Variants in AMMECR1 observed in about 807,000 individuals in gnomAD.
The protein encoded by AMMECR1 is AMMECR nuclear protein 1, also known as nuclear protein AMMECR1.
In AMMECR1, 3 loss-of-function variants were observed where a neutral mutation model predicts 22.5. The observed-to-expected ratio is 0.13, with a 90% CI of 0.06 to 0.35. The LOEUF (loss-of-function observed/expected upper bound fraction) is 0.35, where lower values mean the gene tolerates loss of function less well. Among genes scored for constraint, AMMECR1 ranks in the 10% least tolerant of loss-of-function variants. The pLI is 1.00. For missense variants in AMMECR1, 235 were observed against 278.7 expected, an observed-to-expected ratio of 0.84 and a Z score of 1.12; for synonymous variants, 130 against 116.7, an observed-to-expected ratio of 1.11 and a Z score of -0.74.
chrX:110,226,449 C>CA (rs1407613163), intron 2 of AMMECR1, among the ~76,000 whole-genome samples: 1 of 110,466 alleles, frequency 9.1e-6, no homozygotes, highest in African/African-American at 3.3e-5. Flanking sequence ...ACTAAAAATA[C>CA]AAAAAAAATT....
intron 2 of AMMECR1, among the ~76,000 whole-genome samples, chrX:110,413,152 T>C (rs998507917): frequency 1.8e-5 from 2 of 110,306 alleles, no homozygotes; most frequent in South Asian, 3.9e-4. Context: ...ACCTCCCCAC[T>C]ACCGCCCTCT....
At chrX:110,286,552 G>A (rs981884005) in intron 1 of AMMECR1, among the ~76,000 whole-genome samples, 1 of 107,573 alleles carries the variant, frequency 9.3e-6, no homozygotes, top group Non-Finnish European at 1.9e-5. Context: ...TGCGCCTGTA[G>A]TCCTAGGTAC....
intron 2 of AMMECR1, among the ~76,000 whole-genome samples, chrX:110,424,174 T>C (rs182691649): frequency 2.8e-4 from 31 of 111,848 alleles, no homozygotes; most frequent in African/African-American, 9.1e-4. Context: ...AGAGCTAGGA[T>C]TCAAACCCAG....
chrX:110,274,017 GA>G (rs765490267), intron 1 of AMMECR1, among the ~76,000 whole-genome samples: 563 of 111,647 alleles, frequency 5.0e-3, no homozygotes, highest in Middle Eastern at 0.032. Context: ...CTAATTCCAT[GA>G]AAAATGACAT....
intron 1 of AMMECR1, among the ~76,000 whole-genome samples, chrX:110,427,938 A>T (rs1409850211): frequency 9.0e-6 from 1 of 111,362 alleles, no homozygotes; most frequent in Admixed American, 9.5e-5. Flanking sequence ...TACAACACAT[A>T]GCTCAGAAGA....
chrX:110,414,282 A>G (rs1252081950), intron 2 of AMMECR1, among the ~76,000 whole-genome samples: 2 of 112,344 alleles, frequency 1.8e-5, no homozygotes, highest in Non-Finnish European at 3.8e-5. Context: ...CTTCTAAGTA[A>G]CTGTCCTGAC....
chrX:110,368,116 C>T (rs981342844), intron 2 of AMMECR1, among the ~76,000 whole-genome samples: 2 of 108,803 alleles, frequency 1.8e-5, no homozygotes, highest in African/African-American at 6.7e-5. Flanking sequence ...GTTGGGATTA[C>T]AGGTGTGAGC....
At chrX:110,230,673 G>T (rs946800514) in intron 2 of AMMECR1, among the ~76,000 whole-genome samples, 7 of 112,215 alleles carry the variant, frequency 6.2e-5, no homozygotes, top group African/African-American at 2.3e-4. Context: ...GTGGGACGGA[G>T]AATGACTTTG....
intron 2 of AMMECR1, among the ~76,000 whole-genome samples, chrX:110,418,704 C>A (rs1488132296): frequency 2.7e-5 from 3 of 111,522 alleles, no homozygotes; most frequent in Admixed American, 9.5e-5. Flanking sequence ...TCAGAGACAG[C>A]GCATGGGAGC....
intron 3 of AMMECR1, among the ~76,000 whole-genome samples, chrX:110,204,474 A>C (rs1229941482): frequency 9.0e-6 from 1 of 111,172 alleles, no homozygotes; most frequent in East Asian, 2.8e-4. Context: ...AAAGTTTATC[A>C]GAATTTCAAC....
At chrX:110,271,642 C>T (rs761770252) in intron 1 of AMMECR1, among the ~76,000 whole-genome samples, 4 of 111,393 alleles carry the variant, frequency 3.6e-5, no homozygotes, top group African/African-American at 1.3e-4. Context: ...TTTTTTAGAG[C>T]CCTAAATTAG....
chrX:110,436,122 G>A (rs996260461), intron 1 of AMMECR1, among the ~76,000 whole-genome samples: 1 of 112,510 alleles, frequency 8.9e-6, no homozygotes, highest in African/African-American at 3.2e-5. Context: ...TGCTAGCATC[G>A]CTGATTTAGG....
intron 2 of AMMECR1, among the ~76,000 whole-genome samples, chrX:110,376,523 G>T (rs893497230): frequency 8.9e-6 from 1 of 112,066 alleles, no homozygotes; most frequent in Non-Finnish European, 1.9e-5. Flanking sequence ...AGATGAGAGA[G>T]AATTCTGCAA....
intron 1 of AMMECR1, among the ~76,000 whole-genome samples, chrX:110,288,262 T>A (rs1367450508): frequency 8.9e-6 from 1 of 111,964 alleles, no homozygotes; most frequent in Non-Finnish European, 1.9e-5. Context: ...ATTTTTTAGG[T>A]GGCAAAAACT....
chrX:110,357,337 T>C (rs1443535617), intron 2 of AMMECR1, among the ~76,000 whole-genome samples: 1 of 112,068 alleles, frequency 8.9e-6, no homozygotes, highest in Non-Finnish European at 1.9e-5. Context: ...ATCTTATAAA[T>C]TGTGCCTTTT....
chrX:110,252,989 G>A (rs953278511), intron 2 of AMMECR1, among the ~76,000 whole-genome samples: 2 of 112,118 alleles, frequency 1.8e-5, no homozygotes, highest in Admixed American at 9.5e-5. Context: ...CCTGAAGGGC[G>A]TGAGGAAGCC....
chrX:110,319,487 T>C (rs1889429273), upstream of AMMECR1, among the ~76,000 whole-genome samples: 1 of 112,286 alleles, frequency 8.9e-6, no homozygotes. Context: ...ACTATACTTC[T>C]GTTGAAATCC....
intron 2 of AMMECR1, among the ~76,000 whole-genome samples, chrX:110,358,503 G>A (rs1243417721): frequency 9.0e-6 from 1 of 110,910 alleles, no homozygotes; most frequent in African/African-American, 3.3e-5. Context: ...CACCTGTGAG[G>A]CCTCATTTTG....
chrX:110,258,388 G>C (rs2067721394), intron 2 of AMMECR1, among the ~76,000 whole-genome samples: 1 of 111,721 alleles, frequency 9.0e-6, no homozygotes, highest in African/African-American at 3.3e-5. Flanking sequence ...GAGGATTCCA[G>C]TTTGAGCAGA....
Sources: gnomAD v4.1 joint callset for allele counts (sites outside exome capture counted in the v4.1 genomes callset) on GRCh38, gnomAD v4.1.1 for gene constraint, MANE v1.5 for transcripts, NCBI Gene and HGNC (gene_info 2026-07-23, HGNC 2026-07-21) for gene names.